Variants in CRYL1 observed in about 807,000 individuals in gnomAD.
CRYL1 encodes crystallin lambda 1, also known as lambda-crystallin homolog.
In CRYL1, 29 loss-of-function variants were observed where a neutral mutation model predicts 36.6. The observed-to-expected ratio is 0.79, with a 90% CI of 0.59 to 1.08. CRYL1 has a LOEUF of 1.08. Among genes scored for constraint, CRYL1 ranks in the 50% least tolerant of loss-of-function variants. The pLI is 0.00. For synonymous variants in CRYL1, 152 were observed against 151.5 expected (o/e 1.00, Z -0.02); for missense variants, 411 against 407.9 (o/e 1.01, Z -0.06).
intron 1 of CRYL1, chr13:20,515,782 A>G (rs2033988417): frequency 6.6e-6 from 1 of 152,236 alleles, no homozygotes; most frequent in African/African-American, 2.4e-5. Flanking sequence ...GGCTGGGGGA[A>G]ATGAGCAGCT....
chr13:20,459,040 C>T (rs953172340), intron 3 of CRYL1, among the ~76,000 whole-genome samples: 7 of 152,076 alleles, frequency 4.6e-5, no homozygotes, highest in Non-Finnish European at 8.8e-5. Context: ...TCAAGACCAT[C>T]CTGGCTAACA....
chr13:20,505,889 C>T (rs2033789240), intron 2 of CRYL1, among the ~76,000 whole-genome samples: 1 of 152,152 alleles, frequency 6.6e-6, no homozygotes. Context: ...ATCTAAGCAC[C>T]ACAGGTCATA....
At chr13:20,504,330 G>T (rs1308319878) in intron 2 of CRYL1, among the ~76,000 whole-genome samples, 3 of 142,780 alleles carry the variant, frequency 2.1e-5, no homozygotes, top group Admixed American at 1.4e-4. Flanking sequence ...TTGAGACAGG[G>T]TCTCGCTCTG....
chr13:20,438,544 A>G (rs775832492), intron 4 of CRYL1, among the ~76,000 whole-genome samples: 1 of 152,182 alleles, frequency 6.6e-6, no homozygotes, highest in Non-Finnish European at 1.5e-5. Context: ...CCATGGCTCC[A>G]AGGCATGTGT....
At chr13:20,522,911 C>CTTTTTTTTTTTTTTTTTTTTTT (rs386378385) in intron 1 of CRYL1, among the ~76,000 whole-genome samples, 1 of 82,954 alleles carries the variant, frequency 1.2e-5, no homozygotes, top group African/African-American at 4.5e-5. Context: ...CCCATTTCTA[C>CTTTTTTTTTTTTTTTTTTTTTT]TTTTTTTTTT....
At chr13:20,405,552 G>C (rs1045126355) in intron 6 of CRYL1, among the ~76,000 whole-genome samples, 2 of 152,186 alleles carry the variant, frequency 1.3e-5, no homozygotes, top group African/African-American at 4.8e-5. Flanking sequence ...TATTGGGTAC[G>C]GTCAAGGCTG....
chr13:20,461,671 A>G (rs933988585), intron 3 of CRYL1, among the ~76,000 whole-genome samples: 1 of 151,998 alleles, frequency 6.6e-6, no homozygotes, highest in Non-Finnish European at 1.5e-5. Flanking sequence ...GACTCACCCC[A>G]TCTCAGGATC....
intron 3 of CRYL1, among the ~76,000 whole-genome samples, chr13:20,466,705 T>TGTGTGTGAGA (rs71866943): frequency 1.3e-5 from 2 of 151,292 alleles, no homozygotes; most frequent in Non-Finnish European, 3.0e-5. Context: ...TGTGTGTGTG[T>TGTGTGTGAGA]GTGTGTAGTT....
chr13:20,420,505 GA>G (rs1443527692), intron 5 of CRYL1, among the ~76,000 whole-genome samples: 2 of 123,660 alleles, frequency 1.6e-5, no homozygotes, highest in East Asian at 5.1e-4. Flanking sequence ...CGCAGTAAGG[GA>G]AAGATTGGAT....
At chr13:20,520,468 C>G (rs570268603) in intron 1 of CRYL1, among the ~76,000 whole-genome samples, 1 of 152,248 alleles carries the variant, frequency 6.6e-6, no homozygotes, top group South Asian at 2.1e-4. Flanking sequence ...GCCCCCTAAT[C>G]AAACAGGCAG....
At chr13:20,459,268 C>G (rs2032758453) in intron 3 of CRYL1, among the ~76,000 whole-genome samples, 1 of 149,230 alleles carries the variant, frequency 6.7e-6, no homozygotes, top group Non-Finnish European at 1.5e-5. Flanking sequence ...ATTAATTCAA[C>G]CACTGTGAAA....
chr13:20,442,085 T>C (rs933026639), intron 3 of CRYL1, among the ~76,000 whole-genome samples: 1 of 152,204 alleles, frequency 6.6e-6, no homozygotes, highest in South Asian at 2.1e-4. Context: ...AATGGAGCCT[T>C]GTAGCAAAGC....
chr13:20,459,110 C>T (rs1421959277), intron 3 of CRYL1, among the ~76,000 whole-genome samples: 1 of 151,890 alleles, frequency 6.6e-6, no homozygotes, highest in African/African-American at 2.4e-5. Context: ...GTGGCGGGTG[C>T]CTGTAGTCCC....
chr13:20,472,957 T>C (rs2033092540), intron 3 of CRYL1: 1 of 152,270 alleles, frequency 6.6e-6, no homozygotes, highest in African/African-American at 2.4e-5. Flanking sequence ...AATCGCTTTT[T>C]GGACTCACTT....
chr13:20,472,531 G>A (rs1314233215), intron 3 of CRYL1, among the ~76,000 whole-genome samples: 2 of 152,156 alleles, frequency 1.3e-5, no homozygotes, highest in Non-Finnish European at 2.9e-5. Context: ...CCATTTTATA[G>A]ATGAGAAAAC....
intron 2 of CRYL1, among the ~76,000 whole-genome samples, chr13:20,493,061 A>G (rs2033540988): frequency 6.6e-6 from 1 of 152,176 alleles, no homozygotes; most frequent in South Asian, 2.1e-4. Flanking sequence ...AGCTTCTGTC[A>G]GAGATCTCCA....
rs2033470272 is a variant in CRYL1, at chr13:20,489,576, T to G, written c.150-80A>C. 31 of 1,553,606 alleles carry G rather than the reference T, an allele frequency of 2.0e-5. 1 individual carries two copies. In the South Asian group the frequency reaches 3.5e-4, roughly 18 times the overall value. ...AGATAAAGCCCAACATCAGGAATCA[T>G]CAGGGAAATGCCAAGCAGAACCACA... On this transcript the variant is annotated intron_variant, in intron 2 of 7. Transcript: ENST00000298248.
In CRYL1 at chr13:20,415,596, CGTTTT is replaced by C. The variant is rs1011803231; in HGVS notation, c.634-2214_634-2210del. Among the ~76,000 whole-genome samples, 11 of 152,208 alleles carry C rather than the reference CGTTTT, an allele frequency of 7.2e-5. No homozygotes were observed. The highest frequency in any genetic ancestry group is 2.2e-4 in the African/African-American group (9 of 41,460). ...CCTTTTAGAGAGCCACTTTGCGTTT[CGTTTT>C]GTTTGCGCACACGGGACACAAGCAT... On this transcript the variant is annotated intron_variant, in intron 5 of 7. Transcript: ENST00000298248. The surrounding 1 kb of genome is among the most constrained non-coding windows in gnomAD (Gnocchi z 4.1).
Position 20,525,511 on chromosome 13 carries a change from A to G in CRYL1, c.41+243T>C, listed in dbSNP as rs1160403889. Among the ~76,000 whole-genome samples the G allele has an allele frequency of 1.3e-5, 2 of 152,004 alleles. No homozygotes were observed. The highest frequency in any genetic ancestry group is 4.8e-5 in the African/African-American group (2 of 41,396). On this transcript the variant is annotated intron_variant, in intron 1 of 7. Transcript: ENST00000298248. This position sits in a 1 kb window ranked among gnomAD's most constrained non-coding sequence, Gnocchi z 4.3. ...GCGGTCAACCTCGGAACCTCCTGCAACGCTGGCTCCCGGGAAGCAGACCCA... is the reference window on the plus strand; with the variant it reads ...GCGGTCAACCTCGGAACCTCCTGCAGCGCTGGCTCCCGGGAAGCAGACCCA...
Sources: gnomAD v4.1 joint callset for allele counts (sites outside exome capture counted in the v4.1 genomes callset) on GRCh38, gnomAD v4.1.1 for gene constraint, Gnocchi (gnomAD v3.1) non-coding constraint, MANE v1.5 for transcripts, NCBI Gene and HGNC (gene_info 2026-07-23, HGNC 2026-07-21) for gene names.